The following LARP4B variants were observed in gnomAD, a reference collection of about 807,000 sequenced individuals.
LARP4B encodes la-related protein 4B.
A neutral mutation model predicts 89.8 loss-of-function variants in LARP4B; 12 were observed. The ratio of observed to expected loss-of-function variants is 0.13; its 90% CI spans 0.09 to 0.22. The LOEUF is 0.22. LARP4B is among the 10% of genes least tolerant of loss of function. The probability of loss-of-function intolerance (pLI) is 1.00; values close to 1 mark genes in which losing one functional copy is unlikely to be tolerated. For missense variants in LARP4B, 757 were observed against 947.7 expected, an observed-to-expected ratio of 0.80 and a Z score of 2.64; for synonymous variants, 367 against 363.3, an observed-to-expected ratio of 1.01 and a Z score of -0.12.
chr10:921,099 C>T (rs574587310), intron 1 of LARP4B, among the ~76,000 whole-genome samples: 36 of 152,176 alleles, frequency 2.4e-4, no homozygotes, highest in Admixed American at 4.6e-4. Flanking sequence ...CATGGAGAAA[C>T]CCTGTCTCTA....
upstream of LARP4B, among the ~76,000 whole-genome samples, chr10:932,031 G>A (rs1312087048): frequency 6.8e-6 from 1 of 147,412 alleles, no homozygotes; most frequent in African/African-American, 2.5e-5. Context: ...GCCTGACGCT[G>A]GGGGGCCGTG....
At chr10:870,247 T>C (rs1201982574) in intron 3 of LARP4B, among the ~76,000 whole-genome samples, 1 of 152,188 alleles carries the variant, frequency 6.6e-6, no homozygotes, top group Admixed American at 6.5e-5. Flanking sequence ...CTGGGTTTCC[T>C]AACCCTCCCA....
chr10:938,684 A>G, the LARP4B span, among the ~76,000 whole-genome samples: 1 of 152,232 alleles, frequency 6.6e-6, no homozygotes, highest in Non-Finnish European at 1.5e-5. Flanking sequence ...ATATACACAC[A>G]CATATGAATG....
At chr10:900,359 TA>T (rs1184845319) in intron 1 of LARP4B, among the ~76,000 whole-genome samples, 1 of 99,834 alleles carries the variant, frequency 1.0e-5, no homozygotes, top group African/African-American at 3.7e-5. Flanking sequence ...AAAATAAAAA[TA>T]AAAAAATGAT....
At chr10:967,318 T>C in the LARP4B span, among the ~76,000 whole-genome samples, 1 of 151,874 alleles carries the variant, frequency 6.6e-6, no homozygotes, top group South Asian at 2.1e-4. Flanking sequence ...ATTGAACCCA[T>C]GAAACAAGAA....
chr10:827,678 A>G (rs1832702271), intron 11 of LARP4B, among the ~76,000 whole-genome samples: 1 of 152,188 alleles, frequency 6.6e-6, no homozygotes, highest in African/African-American at 2.4e-5. Flanking sequence ...AACCCCAAGG[A>G]TCCCCGAGAG....
At chr10:940,105 C>T in the LARP4B span, among the ~76,000 whole-genome samples, 12 of 151,004 alleles carry the variant, frequency 7.9e-5, no homozygotes, top group African/African-American at 2.9e-4. Context: ...GCAACATCCA[C>T]CTCCCGGGTT....
the LARP4B span, chr10:988,159 C>T: frequency 3.2e-6 from 1 of 309,246 alleles, no homozygotes; most frequent in Non-Finnish European, 6.1e-6. Context: ...GGGGCCTGAA[C>T]CCGCTCCAGA....
the LARP4B span, among the ~76,000 whole-genome samples, chr10:946,745 T>C: frequency 7.9e-5 from 12 of 152,316 alleles, no homozygotes; most frequent in African/African-American, 2.9e-4. Flanking sequence ...ATTTTTTTTA[T>C]CTTACAAGTT....
At chr10:970,605 A>T in the LARP4B span, among the ~76,000 whole-genome samples, 1 of 151,898 alleles carries the variant, frequency 6.6e-6, no homozygotes, top group Non-Finnish European at 1.5e-5. Context: ...TGTTTATTTT[A>T]CTCTGGATCC....
At chr10:865,675 C>T (rs1229262284) in intron 3 of LARP4B, among the ~76,000 whole-genome samples, 1 of 152,198 alleles carries the variant, frequency 6.6e-6, no homozygotes, top group Non-Finnish European at 1.5e-5. Context: ...TTTTCTGATA[C>T]AAGCCTTTCT....
At chr10:852,580 G>T (rs937172771) in intron 5 of LARP4B, among the ~76,000 whole-genome samples, 2 of 152,154 alleles carry the variant, frequency 1.3e-5, no homozygotes, top group Non-Finnish European at 2.9e-5. Flanking sequence ...CCAAACGTTT[G>T]TTCATTCTTT....
intron 1 of LARP4B, among the ~76,000 whole-genome samples, chr10:922,675 TTAAATAAATAAATAAATAAA>T (rs370807617): frequency 2.1e-3 from 314 of 146,288 alleles, no homozygotes; most frequent in African/African-American, 7.3e-3. Context: ...ACCCCGTCTG[TTAAATAAATAAATAAATAAA>T]TAAATAAATA....
At chr10:888,582 T>C (rs1468133171) in intron 1 of LARP4B, among the ~76,000 whole-genome samples, 1 of 152,130 alleles carries the variant, frequency 6.6e-6, no homozygotes, top group Admixed American at 6.5e-5. Context: ...GTCACAAAAA[T>C]ATCACCAAAC....
At chr10:827,076 C>T (rs756382864) in intron 11 of LARP4B, among the ~76,000 whole-genome samples, 15 of 152,084 alleles carry the variant, frequency 9.9e-5, no homozygotes, top group Middle Eastern at 3.2e-3. Context: ...GAGATCAAGA[C>T]CATCCTGGCT....
chr10:937,666 A>G, the LARP4B span, among the ~76,000 whole-genome samples: 1 of 152,138 alleles, frequency 6.6e-6, no homozygotes, highest in Non-Finnish European at 1.5e-5. Flanking sequence ...ATCACGAGGA[A>G]CAATCAGACA....
At chr10:864,037 A>G in intron 4 of LARP4B, 86 bp downstream of exon 4, 1 of 1,579,676 alleles carries the variant, frequency 6.3e-7, no homozygotes, top group East Asian at 2.3e-5. Flanking sequence ...TTATGAATGA[A>G]CAACATCTTA....
In LARP4B at chr10:817,865, G is replaced by A. The variant is rs769519989; in HGVS notation, c.1555C>T (p.Pro519Ser). The change falls in exon 15 of 18, where the codon CCA becomes TCA. Residue 519 changes from proline to serine, a missense_variant. Transcript: ENST00000316157. The stretch of plus-strand genomic sequence containing the variant: ...AAGCTTGGCGACGGAGGCTTTGGTG[G>A]CGTTGGAGACTGTGTCTGGCTGCTC... ...FTSSQTQSPT[P>S]PKPPSPSFEL... is the part of the protein sequence containing the mutation. 1.2e-5 allele frequency: 20 copies of A among 1,614,034 alleles called. No individual in the cohort carries two copies. In the South Asian group the frequency reaches 1.9e-4, roughly 15 times the overall value.
At chr10:860,677 C>T (rs1056172733) in intron 5 of LARP4B, among the ~76,000 whole-genome samples, 2 of 152,126 alleles carry the variant, frequency 1.3e-5, no homozygotes, top group Non-Finnish European at 2.9e-5. Flanking sequence ...CATGTTACAA[C>T]ATGAATCAGT....
Sources: allele counts gnomAD v4.1 joint callset (sites outside exome capture counted in the v4.1 genomes callset), GRCh38; gene constraint gnomAD v4.1.1; transcripts MANE v1.5; gene names NCBI Gene and HGNC (gene_info 2026-07-23, HGNC 2026-07-21).